The following VNN2 variants were observed in gnomAD, a reference collection of about 807,000 sequenced individuals.
VNN2 encodes the protein pantetheine hydrolase VNN2.
A neutral mutation model predicts 43.0 loss-of-function variants in VNN2; 43 were observed. That is an observed-to-expected ratio of 1.00 (90% CI 0.78 to 1.29). The LOEUF (loss-of-function observed/expected upper bound fraction) is 1.29. Ranked by LOEUF, VNN2 falls within the 50% of genes most tolerant of loss-of-function variation. The pLI is 0.00. For synonymous variants in VNN2, 230 were observed against 224.3 expected, an observed-to-expected ratio of 1.03 and a Z score of -0.23; for missense variants, 652 against 619.7, an observed-to-expected ratio of 1.05 and a Z score of -0.55.
chr6:132,750,046 C>T (rs1209779130), intron 5 of VNN2, among the ~76,000 whole-genome samples, 181 bp from the exon 6 acceptor site: 2 of 152,126 alleles, frequency 1.3e-5, no homozygotes, highest in Non-Finnish European at 2.9e-5. Context: ...GAGAATCAAC[C>T]CACTTCCTAA....
At position 132,747,609 on chromosome 6, in the gene VNN2, G is replaced by A. The variant is rs373526152; in HGVS notation, c.1371+2086C>T. Among the ~76,000 whole-genome samples, 11 of 152,034 alleles carry A rather than the reference G, an allele frequency of 7.2e-5. No homozygotes were observed. The East Asian group carries it at 9.7e-4, about 13-fold the overall frequency. On this transcript the variant is annotated intron_variant, in intron 6 of 6. Coordinates refer to ENST00000326499, the MANE Select transcript of VNN2 (RefSeq NM_004665.6). ...TCCAGTCTGGGCAACACAGCGAGAC[G>A]CCATCTCAAATAATAATAATAATTA...
intron 4 of VNN2, among the ~76,000 whole-genome samples, chr6:132,751,764 A>T (rs1780121655): frequency 6.6e-6 from 1 of 152,254 alleles, no homozygotes; most frequent in South Asian, 2.1e-4. Context: ...TATTAGCATT[A>T]TGGAAAATTA....
chr6:132,746,015 C>T (rs1779694541), intron 6 of VNN2, among the ~76,000 whole-genome samples: 1 of 152,182 alleles, frequency 6.6e-6, no homozygotes, highest in Non-Finnish European at 1.5e-5. Context: ...TGTACTTCAC[C>T]ATTCACAAAG....
At chr6:132,762,464 T>C (rs1780760673), upstream of VNN2, among the ~76,000 whole-genome samples, 1 of 152,174 alleles carries the variant, frequency 6.6e-6, no homozygotes, top group Non-Finnish European at 1.5e-5. Context: ...AAAAGTACAA[T>C]ACTGTATCCA....
At chr6:132,751,559 A>G in intron 4 of VNN2, 41 bp from the exon 5 acceptor site, 1 of 1,555,894 alleles carries the variant, frequency 6.4e-7, no homozygotes, top group Non-Finnish European at 8.7e-7. Context: ...AACACCACAC[A>G]CAAAAAAACC....
At position 132,752,485 on chromosome 6, in the gene VNN2, G is replaced by A. The variant is rs769483048; in HGVS notation, c.802C>T (p.His268Tyr). 1.2e-6 allele frequency: 2 copies of A among 1,613,974 alleles called. No homozygotes were observed. Among genetic ancestry groups the A allele is most frequent in the Non-Finnish European group, 1.7e-6 (2 of 1,179,942 alleles). ...MGVNLLVANT[H>Y]HVSLNMTGSG... ...CCTGTCATATTTAGGCTGACATGAT[G>A]TGTGTTGGCCACAAGAAGATTAACT... The change falls in exon 4 of 7, where the codon CAT becomes TAT. Residue 268 changes from histidine to tyrosine, a missense_variant. Coordinates refer to ENST00000326499, the MANE Select transcript of VNN2 (RefSeq NM_004665.6).
chr6:132,758,045 T>TCTTCTTC (rs1484257845), upstream of VNN2: 26 of 343,556 alleles, frequency 7.6e-5, no homozygotes, highest in African/African-American at 1.2e-3. Context: ...TCTTCTTTTT[T>TCTTCTTC]TTTTTTTTTT....
At chr6:132,751,989 G>A (rs1326382063) in intron 4 of VNN2, among the ~76,000 whole-genome samples, 2 of 152,196 alleles carry the variant, frequency 1.3e-5, no homozygotes, top group Non-Finnish European at 2.9e-5. Flanking sequence ...AGAAGTGATG[G>A]TGGGTAACTA....
At chr6:132,750,515 T>TATATATATATATATATATATA (rs1359427541) in intron 5 of VNN2, among the ~76,000 whole-genome samples, 2 of 97,362 alleles carry the variant, frequency 2.1e-5, no homozygotes, top group African/African-American at 8.3e-5. Context: ...ATATATATAT[T>TATATATATATATATATATATA]TTTCCAGGTG....
chr6:132,760,766 T>C (rs1780720053), upstream of VNN2: 1 of 152,148 alleles, frequency 6.6e-6, no homozygotes, highest in Non-Finnish European at 1.5e-5. Flanking sequence ...ATATCTGTTA[T>C]TGTGTTCCCA....
At position 132,752,706 on chromosome 6, in the gene VNN2, G is replaced by A. The variant is rs776443567; in HGVS notation, c.581C>T (p.Pro194Leu). 4.3e-6 allele frequency: 7 copies of A among 1,613,946 alleles called. No individual in the cohort carries two copies. The highest frequency in any genetic ancestry group is 2.7e-5 in the African/African-American group (2 of 74,882). The change falls in exon 4 of 7, where the codon CCG (proline) becomes CTG (leucine). Residue 194 changes from proline to leucine, a missense_variant. Physicochemically the swap from Pro to Leu is moderately conservative, Grantham distance 98 (BLOSUM62 -3). Transcript: ENST00000326499. ...TGCGGTGTTGAAAGTCACCAACTCCGGCTTTTCAGGGACATTAAACTGAGG... is the reference window on the plus strand; with the variant it reads ...TGCGGTGTTGAAAGTCACCAACTCCAGCTTTTCAGGGACATTAAACTGAGG... Reference protein sequence around the residue: ...SEPQFNVPEKPELVTFNTAFG... With the variant: ...SEPQFNVPEKLELVTFNTAFG...
Position 132,751,180 on chromosome 6 carries a change from CT to C in VNN2, c.1164del (p.Gly389AspfsTer17). On this transcript the variant is annotated frameshift_variant, in exon 5 of 7. Transcript: ENST00000326499. LOFTEE classifies it high-confidence loss of function. ...ENEVYVLGAFTGLHGRRRREY... is the reference protein window; with the variant it reads ...ENEVYVLGAFXGLHGRRRREY... ...TCTCTTCTCCTTCGGCCATGTAATC[CT>C]GTAAAAGCTCCTAGAACGTATACTT... The C allele has an allele frequency of 6.2e-7, 1 of 1,611,344 alleles. No homozygotes were observed. Among genetic ancestry groups the C allele is most frequent in the Non-Finnish European group, 8.5e-7 (1 of 1,179,008 alleles).
chr6:132,744,157 TA>T lies in VNN2; in HGVS notation c.*142del. On this transcript the variant is annotated 3_prime_UTR_variant, in exon 7 of 7. Coordinates refer to ENST00000326499, the MANE Select transcript of VNN2 (RefSeq NM_004665.6). ...CAACATTATCATAATACTTAAAAAA[TA>T]ATTATTGATGAGAAAAAATATTTAG... 1 of 653,014 alleles carries T rather than the reference TA, an allele frequency of 1.5e-6. No homozygotes were observed. Among genetic ancestry groups the T allele is most frequent in the Non-Finnish European group, 2.4e-6 (1 of 424,132 alleles). 40.5% of individuals were successfully genotyped at this position (653,014 alleles called of 1,614,324 possible).
upstream of VNN2, among the ~76,000 whole-genome samples, chr6:132,761,355 TAAAA>T (rs61548790): frequency 1.5e-5 from 2 of 137,246 alleles, no homozygotes; most frequent in African/African-American, 5.3e-5. Flanking sequence ...AGAGTCACCA[TAAAA>T]AAAAAAAAAA....
chr6:132,751,397 T>G lies in VNN2; in HGVS notation c.948A>C (p.Thr316=), dbSNP rs764817174. ...TGGCGTAGGCATTCCAATTAACAGC[T>G]GTTGGGTAGGCAAGCGAGGATAGGG... is the stretch of plus-strand genomic sequence containing the variant. ...SHPLSSLAYP[T]AVNWNAYATT... Residue 316 remains threonine (T), a synonymous_variant, in exon 5 of 7, where the codon ACA becomes ACC. Coordinates refer to ENST00000326499, the MANE Select transcript of VNN2 (RefSeq NM_004665.6). 21 of 1,614,178 alleles carry G rather than the reference T, an allele frequency of 1.3e-5. No homozygotes were observed. Among genetic ancestry groups the G allele is most frequent in the Non-Finnish European group, 1.7e-5 (20 of 1,180,026 alleles).
At chr6:132,746,516 A>C (rs765941446) in intron 6 of VNN2, among the ~76,000 whole-genome samples, 1 of 151,776 alleles carries the variant, frequency 6.6e-6, no homozygotes, top group Non-Finnish European at 1.5e-5. Flanking sequence ...GAAAAGAAGC[A>C]CTAAAAAAAC....
chr6:132,758,039 C>CTTCTTCTTCTTCTTTT (rs1488070973), upstream of VNN2: 4 of 165,040 alleles, frequency 2.4e-5, no homozygotes, highest in Non-Finnish European at 3.0e-5. Context: ...TCTTCTTCTT[C>CTTCTTCTTCTTCTTTT]TTTTTTTTTT....
Position 132,749,733 on chromosome 6 carries a change from G to A in VNN2, c.1333C>T (p.Leu445=). Residue 445 remains leucine, a synonymous_variant, in exon 6 of 7, where the codon CTA becomes TTA. Coordinates refer to ENST00000326499, the MANE Select transcript of VNN2 (RefSeq NM_004665.6). ...GGTGACAGATGAATTTCGGTAAGTA[G>A]CACTTCAGGAAAAACATACTCTGTT... ...FGTEYVFPEV[L]LTEIHLSPGK... is the part of the protein sequence containing the mutation. 1.2e-6 allele frequency: 2 copies of A among 1,613,562 alleles called. No individual in the cohort carries two copies. Among genetic ancestry groups the A allele is most frequent in the South Asian group, 1.1e-5 (1 of 90,942 alleles).
intron 6 of VNN2, among the ~76,000 whole-genome samples, chr6:132,745,113 G>T (rs1296976795): frequency 6.6e-6 from 1 of 152,128 alleles, no homozygotes; most frequent in Non-Finnish European, 1.5e-5. Context: ...TTCTAGATTG[G>T]TTAAAACCAG....
Sources: gnomAD v4.1 joint callset for allele counts (sites outside exome capture counted in the v4.1 genomes callset) on GRCh38, gnomAD v4.1.1 for gene constraint, MANE v1.5 for transcripts, NCBI Gene and HGNC (gene_info 2026-07-23, HGNC 2026-07-21) for gene names.